ITPR2: variants seen among roughly 807,000 people sequenced by gnomAD.
ITPR2 encodes inositol 1,4,5-trisphosphate receptor type 2, also known as inositol 1,4,5-trisphosphate-gated calcium channel ITPR2.
A neutral mutation model predicts 317.1 loss-of-function variants in ITPR2; 207 were observed. The observed-to-expected ratio is 0.65, with a 90% confidence interval of 0.58 to 0.73. ITPR2 has a LOEUF of 0.73. Among genes scored for constraint, ITPR2 ranks in the 30% least tolerant of loss-of-function variants. ITPR2 has a pLI of 0.00. For missense variants in ITPR2, 2,613 were observed against 3,284.0 expected (o/e 0.80, Z 4.99); for synonymous variants, 1,156 against 1,149.1 (o/e 1.01, Z -0.12).
At chr12:26,685,093 C>T (rs1266795269) in intron 11 of ITPR2, among the ~76,000 whole-genome samples, 1 of 152,126 alleles carries the variant, frequency 6.6e-6, no homozygotes, top group African/African-American at 2.4e-5. Context: ...GGAGGAAACC[C>T]ACACAATGCC....
chr12:26,504,508 A>G (rs1943142714), intron 37 of ITPR2, among the ~76,000 whole-genome samples: 1 of 152,160 alleles, frequency 6.6e-6, no homozygotes, highest in Non-Finnish European at 1.5e-5. Flanking sequence ...AAAAATGCTC[A>G]CCTTCATTGG....
At chr12:26,582,240 A>T (rs1489962169) in intron 32 of ITPR2, among the ~76,000 whole-genome samples, 1 of 152,134 alleles carries the variant, frequency 6.6e-6, no homozygotes, top group Non-Finnish European at 1.5e-5. Flanking sequence ...ATATTTTAAA[A>T]TTTTTCAGGA....
At chr12:26,468,511 C>G (rs2136803842) in intron 45 of ITPR2, among the ~76,000 whole-genome samples, 1 of 149,784 alleles carries the variant, frequency 6.7e-6, no homozygotes, top group South Asian at 2.1e-4. Flanking sequence ...GAAGTTATTC[C>G]TTCAAACTCT....
At chr12:26,666,494 C>T (rs1592014414) in intron 13 of ITPR2, among the ~76,000 whole-genome samples, 1 of 152,200 alleles carries the variant, frequency 6.6e-6, no homozygotes, top group East Asian at 1.9e-4. Flanking sequence ...AAGCAGCATA[C>T]TTCTGCTTAA....
intron 2 of ITPR2, among the ~76,000 whole-genome samples, chr12:26,782,997 T>C (rs1004021690): frequency 6.6e-6 from 1 of 152,158 alleles, no homozygotes; most frequent in Non-Finnish European, 1.5e-5. Flanking sequence ...AGAACACACT[T>C]TCATTTATAC....
intron 55 of ITPR2, among the ~76,000 whole-genome samples, chr12:26,342,578 CTTTT>C (rs1375438705): frequency 1.4e-5 from 2 of 141,488 alleles, no homozygotes; most frequent in African/African-American, 5.3e-5. Flanking sequence ...AGCTATCATT[CTTTT>C]TTGTTTGTTT....
chr12:26,387,279 C>G (rs1316503382), intron 55 of ITPR2, among the ~76,000 whole-genome samples, 155 bp downstream of exon 55: 2 of 152,184 alleles, frequency 1.3e-5, no homozygotes, highest in East Asian at 3.8e-4. Context: ...ATGACTTAGT[C>G]AGTGTAGATG....
rs954272589 is a variant in ITPR2, at chr12:26,831,403, A to T, written c.92+1287T>A. On this transcript the variant is annotated intron_variant, in intron 1 of 56. Transcript: ENST00000381340. The surrounding 1 kb of genome is among the most constrained non-coding windows in gnomAD (Gnocchi z 4.9). ...GGTAGGCAGCAGTCCGTTATAACAC[A>T]GCTCGAAGTCACTGTCCCGGGTCGT... 6.6e-6 allele frequency among the ~76,000 whole-genome samples: 1 copy of T among 152,160 alleles called. No homozygotes were observed. Among genetic ancestry groups the T allele is most frequent in the African/African-American group, 2.4e-5 (1 of 41,422 alleles).
At chr12:26,393,804 A>G (rs1338629996) in intron 54 of ITPR2, among the ~76,000 whole-genome samples, 1 of 152,192 alleles carries the variant, frequency 6.6e-6, no homozygotes, top group Non-Finnish European at 1.5e-5. Flanking sequence ...CAGAAACAAT[A>G]CCCTGCATGT....
chr12:26,706,985 T>C (rs11048665), intron 9 of ITPR2, among the ~76,000 whole-genome samples: 20,837 of 152,168 alleles, frequency 0.14, 1,859 homozygotes, highest in African/African-American at 0.25. Flanking sequence ...TCCATGTCTA[T>C]TATTTTCTTT....
At chr12:26,776,302 T>A (rs1367882196) in intron 2 of ITPR2, among the ~76,000 whole-genome samples, 1 of 152,170 alleles carries the variant, frequency 6.6e-6, no homozygotes, top group African/African-American at 2.4e-5. Context: ...AGTTGGTTGG[T>A]TGCTCCTAAG....
At chr12:26,651,950 C>G (rs983227927) in intron 21 of ITPR2, among the ~76,000 whole-genome samples, 4 of 152,192 alleles carry the variant, frequency 2.6e-5, no homozygotes, top group African/African-American at 9.6e-5. Context: ...CCTTCCCTTA[C>G]CTGCAACCTT....
At chr12:26,450,275 G>A (rs1217799248) in intron 45 of ITPR2, among the ~76,000 whole-genome samples, 1 of 152,156 alleles carries the variant, frequency 6.6e-6, no homozygotes, top group Non-Finnish European at 1.5e-5. Flanking sequence ...GCAGCCCTAG[G>A]AAGTTAACAC....
At chr12:26,642,776 A>G (rs1360129674) in intron 21 of ITPR2, among the ~76,000 whole-genome samples, 8 of 152,176 alleles carry the variant, frequency 5.3e-5, no homozygotes, top group Non-Finnish European at 1.2e-4. Flanking sequence ...CCAAGACAAG[A>G]TCTTAGTCTT....
Position 26,790,139 on chromosome 12 carries a change from A to T in ITPR2, c.163+18T>A, listed in dbSNP as rs1950318011. 4 of 1,567,872 alleles carry T rather than the reference A, an allele frequency of 2.6e-6. No homozygotes were observed. The highest frequency in any genetic ancestry group is 3.5e-6 in the Non-Finnish European group (4 of 1,137,900). ...CCCTCTTAGCTCACACAATTAAAAA[A>T]ATATATGTATTTCTTACCTCTGAAC... On this transcript the variant is annotated intron_variant, in intron 2 of 56. Coordinates refer to ENST00000381340, the MANE Select transcript of ITPR2 (RefSeq NM_002223.4).
At chr12:26,829,495 C>T (rs1256595332) in intron 1 of ITPR2, among the ~76,000 whole-genome samples, 1 of 152,080 alleles carries the variant, frequency 6.6e-6, no homozygotes, top group Non-Finnish European at 1.5e-5. Context: ...CGTGCACCAC[C>T]ACACCTGGCT....
intron 51 of ITPR2, among the ~76,000 whole-genome samples, chr12:26,414,663 G>A (rs1450999677): frequency 3.3e-5 from 5 of 152,052 alleles, no homozygotes; most frequent in African/African-American, 9.7e-5. Context: ...ATAACATGGA[G>A]AGAATAAAGC....
chr12:26,814,243 CA>C (rs1950809681), intron 1 of ITPR2, among the ~76,000 whole-genome samples: 1 of 152,090 alleles, frequency 6.6e-6, no homozygotes. Flanking sequence ...TGAAGGAACC[CA>C]GGAGATTATG....
At chr12:26,533,275 G>GT (rs1430319904) in intron 37 of ITPR2, among the ~76,000 whole-genome samples, 5 of 152,052 alleles carry the variant, frequency 3.3e-5, no homozygotes, top group Non-Finnish European at 7.4e-5. Context: ...CAATCAACTG[G>GT]TTTTTTTCAA....
Sources: allele counts gnomAD v4.1 joint callset (sites outside exome capture counted in the v4.1 genomes callset), GRCh38; gene constraint gnomAD v4.1.1; non-coding constraint Gnocchi (gnomAD v3.1); transcripts MANE v1.5; gene names NCBI Gene and HGNC (gene_info 2026-07-23, HGNC 2026-07-21).